SEMA4B: variants seen among roughly 807,000 people sequenced by gnomAD.
The protein encoded by SEMA4B is semaphorin 4B.
Under a neutral mutation model 88.1 loss-of-function variants are expected in SEMA4B, and 55 were observed. That is an observed-to-expected ratio of 0.62 (90% confidence interval 0.50 to 0.78). The LOEUF (loss-of-function observed/expected upper bound fraction) is 0.78. Ranked by LOEUF, SEMA4B falls within the 30% of genes least tolerant of loss-of-function variation. The pLI is 0.00. For missense variants in SEMA4B, 1,062 were observed against 1,111.9 expected, an observed-to-expected ratio of 0.96 and a Z score of 0.64; for synonymous variants, 525 against 473.6, an observed-to-expected ratio of 1.11 and a Z score of -1.41.
chr15:90,190,173 T>G (rs570201501), intron 1 of SEMA4B, among the ~76,000 whole-genome samples: 6 of 152,298 alleles, frequency 3.9e-5, no homozygotes, highest in African/African-American at 1.4e-4. Flanking sequence ...TGTGTGAGAT[T>G]CCTATCCAGG....
At chr15:90,192,501 G>A (rs577632278) in intron 1 of SEMA4B, among the ~76,000 whole-genome samples, 2 of 152,118 alleles carry the variant, frequency 1.3e-5, no homozygotes, top group Non-Finnish European at 2.9e-5. Flanking sequence ...CCTTTGTACT[G>A]GGCAGGGTAG....
rs569173921 is a variant in SEMA4B, at chr15:90,225,687, G to A, written c.1548G>A (p.Ser516=). ...GGCTGCTGTATGCGGCCTCACACTC[G>A]GGCGTAGTCCAGGTGCCCATGGCCA... is the stretch of plus-strand genomic sequence containing the variant. ...HRGLLYAASH[S]GVVQVPMANC... The change falls in exon 12 of 14, where the codon TCG becomes TCA. Residue 516 remains serine, a synonymous_variant. Transcript: ENST00000411539. 81 of 1,567,650 alleles carry A rather than the reference G, an allele frequency of 5.2e-5. 1 individual carries two copies. In the East Asian group the frequency reaches 9.8e-4, roughly 19 times the overall value.
chr15:90,201,823 C>T (rs887649033), intron 1 of SEMA4B, 88 bp downstream of exon 1: 32 of 1,272,492 alleles, frequency 2.5e-5, no homozygotes, highest in South Asian at 5.2e-5. Context: ...GACAAAGGAC[C>T]AAGGAGGGGA....
Position 90,228,455 on chromosome 15 carries a change from G to C in SEMA4B, c.2326G>C (p.Gly776Arg). The C allele has an allele frequency of 6.2e-7, 1 of 1,610,356 alleles. No homozygotes were observed. The change falls in exon 14 of 14, where the codon GGG (glycine) becomes CGG (arginine). Residue 776 changes from glycine to arginine, a missense_variant. Physicochemically the swap from Gly to Arg is moderately radical, Grantham distance 125. Coordinates refer to ENST00000411539, the MANE Select transcript of SEMA4B (RefSeq NM_198925.4). ...PPETRPLNGL[G>R]PPSTPLDHRG... ...TGAGACCCGCCCACTCAACGGCCTAGGGCCCCCTAGCACCCCGCTCGATCA... is the reference window on the plus strand; with the variant it reads ...TGAGACCCGCCCACTCAACGGCCTACGGCCCCCTAGCACCCCGCTCGATCA...
chr15:90,211,612 T>C (rs554178949), intron 1 of SEMA4B, among the ~76,000 whole-genome samples: 1 of 152,342 alleles, frequency 6.6e-6, no homozygotes, highest in Non-Finnish European at 1.5e-5. Flanking sequence ...AGTTTCCTGC[T>C]GACTGTGGCC....
At chr15:90,190,969 G>T (rs182912852) in intron 1 of SEMA4B, among the ~76,000 whole-genome samples, 25 of 152,290 alleles carry the variant, frequency 1.6e-4, no homozygotes, top group African/African-American at 5.8e-4. Flanking sequence ...TGTAGAGACC[G>T]GGTCTTCCTA....
chr15:90,187,236 C>T lies in SEMA4B; in HGVS notation c.-122+2155C>T, dbSNP rs185617982. Among the ~76,000 whole-genome samples, 5 of 152,312 alleles carry T rather than the reference C, an allele frequency of 3.3e-5. No individual in the cohort carries two copies. In the East Asian group the frequency reaches 9.6e-4, roughly 29 times the overall value. On this transcript the variant is annotated intron_variant, in intron 1 of 14. Coordinates refer to the SEMA4B transcript ENST00000332496. The stretch of plus-strand genomic sequence containing the variant: ...GCTAAGCAAGAAAACTGTTTAGCTT[C>T]CCTAAAGCAGGGAAATGGGACTCTA...
Position 90,225,691 on chromosome 15 carries a change from G to C in SEMA4B, c.1552G>C (p.Val518Leu). 1 of 1,567,504 alleles carries C rather than the reference G, an allele frequency of 6.4e-7. No homozygotes were observed. The highest frequency in any genetic ancestry group is 1.2e-5 in the South Asian group (1 of 85,270). Reference sequence around the variant, plus strand: ...GCTGTATGCGGCCTCACACTCGGGCGTAGTCCAGGTGCCCATGGCCAACTG... The same window carrying C: ...GCTGTATGCGGCCTCACACTCGGGCCTAGTCCAGGTGCCCATGGCCAACTG... ...GLLYAASHSG[V>L]VQVPMANCSL... Residue 518 changes from valine to leucine, a missense_variant, in exon 12 of 14, where the codon GTA (valine) becomes CTA (leucine). Coordinates refer to ENST00000411539, the MANE Select transcript of SEMA4B (RefSeq NM_198925.4).
Position 90,217,556 on chromosome 15 carries a change from C to T in SEMA4B, c.275C>T (p.Ala92Val). Reference protein sequence around the residue: ...LYVGAREALFALSSNLSFLPG... With the variant: ...LYVGAREALFVLSSNLSFLPG... ...GTGGGTGCTCGAGAGGCCCTCTTTG[C>T]ACTCAGTAGCAACCTCAGCTTCCTG... Residue 92 changes from alanine (A) to valine (V), a missense_variant, in exon 2 of 14, where the codon GCA becomes GTA. Ala to Val is a moderately conservative substitution (Grantham distance 64). Transcript: ENST00000411539. 6.2e-7 allele frequency: 1 copy of T among 1,613,962 alleles called. No individual in the cohort carries two copies. Among genetic ancestry groups the T allele is most frequent in the East Asian group, 2.2e-5 (1 of 44,870 alleles).
At chr15:90,202,253 T>C (rs1238210164) in intron 1 of SEMA4B, among the ~76,000 whole-genome samples, 1 of 152,284 alleles carries the variant, frequency 6.6e-6, no homozygotes, top group Non-Finnish European at 1.5e-5. Context: ...AGCCCCAGCA[T>C]GGAGAGACCT....
chr15:90,217,880 T>C, intron 3 of SEMA4B, 51 bp downstream of exon 3: 2 of 1,495,618 alleles, frequency 1.3e-6, no homozygotes, highest in Non-Finnish European at 1.8e-6. Flanking sequence ...TGGAGGGTGG[T>C]GGACTTCCAT....
At chr15:90,191,316 C>T (rs116635193) in intron 1 of SEMA4B, among the ~76,000 whole-genome samples, 2,887 of 152,326 alleles carry the variant, frequency 0.019, 85 homozygotes, top group African/African-American at 0.065. Context: ...ACCAGCTTTG[C>T]AGGAGGTGGC....
chr15:90,210,776 G>T (rs756788251), intron 1 of SEMA4B, among the ~76,000 whole-genome samples: 1 of 152,134 alleles, frequency 6.6e-6, no homozygotes, highest in African/African-American at 2.4e-5. Flanking sequence ...TCAGCGAGGC[G>T]ATCCCTGGGC....
intron 1 of SEMA4B, chr15:90,190,349 C>T (rs1960307111): frequency 6.6e-6 from 1 of 152,236 alleles, no homozygotes; most frequent in Non-Finnish European, 1.5e-5. Context: ...CTTAGGAGAT[C>T]CGTGGCAACC....
intron 1 of SEMA4B, among the ~76,000 whole-genome samples, chr15:90,214,650 A>AAG (rs1567053794): frequency 6.7e-6 from 1 of 149,920 alleles, no homozygotes; most frequent in Non-Finnish European, 1.5e-5. Context: ...AAAAAAAAAA[A>AAG]AAAAGGCTGA....
chr15:90,196,967 T>G (rs76842050), upstream of SEMA4B, among the ~76,000 whole-genome samples: 7,911 of 152,298 alleles, frequency 0.052, 623 homozygotes, highest in African/African-American at 0.18. Flanking sequence ...CCGATGTCCT[T>G]TGGACATGGC....
At chr15:90,203,316 C>T (rs1224082577) in intron 1 of SEMA4B, among the ~76,000 whole-genome samples, 3 of 152,178 alleles carry the variant, frequency 2.0e-5, no homozygotes, top group Non-Finnish European at 4.4e-5. Flanking sequence ...TGCTGTCTTG[C>T]TACTTCTGTT....
In SEMA4B at chr15:90,207,843, CAT is replaced by C. The variant is rs373661161; in HGVS notation, c.157+6109_157+6110del. On this transcript the variant is annotated intron_variant, in intron 1 of 13. Transcript: ENST00000411539. ...TTGGGAAGAGGGCAGAGCTGGCAGACATGTGGCACACAGGAGACTGAGGCACA... is the reference window on the plus strand; with the variant it reads ...TTGGGAAGAGGGCAGAGCTGGCAGACGTGGCACACAGGAGACTGAGGCACA... Among the ~76,000 whole-genome samples, 387 of 152,350 alleles carry C rather than the reference CAT, an allele frequency of 2.5e-3. 1 individual carries two copies. The highest frequency in any genetic ancestry group is 9.0e-3 in the African/African-American group (374 of 41,590).
At chr15:90,214,369 G>A (rs1024508178) in intron 1 of SEMA4B, among the ~76,000 whole-genome samples, 5 of 150,828 alleles carry the variant, frequency 3.3e-5, no homozygotes, top group Non-Finnish European at 5.9e-5. Context: ...TGGGCGTGGT[G>A]GCTCACGCCT....
Sources: allele counts gnomAD v4.1 joint callset (sites outside exome capture counted in the v4.1 genomes callset), GRCh38; gene constraint gnomAD v4.1.1; transcripts MANE v1.5; gene names NCBI Gene and HGNC (gene_info 2026-07-23, HGNC 2026-07-21).